The following GABRA5 variants were observed in gnomAD, a reference collection of about 807,000 sequenced individuals.
The protein encoded by GABRA5 is gamma-aminobutyric acid receptor subunit alpha-5.
Under a neutral mutation model 47.3 loss-of-function variants are expected in GABRA5, and 18 were observed. That is an observed-to-expected ratio of 0.38 (90% CI 0.26 to 0.56). The LOEUF is 0.56. GABRA5 is among the 20% of genes least tolerant of loss of function. The pLI is 0.71. For synonymous variants in GABRA5, 237 were observed against 229.3 expected, an observed-to-expected ratio of 1.03 and a Z score of -0.30; for missense variants, 365 against 599.3, an observed-to-expected ratio of 0.61 and a Z score of 4.08.
intron 3 of GABRA5, among the ~76,000 whole-genome samples, chr15:26,869,708 G>A (rs933076675): frequency 6.6e-6 from 1 of 152,226 alleles, no homozygotes; most frequent in Non-Finnish European, 1.5e-5. Context: ...CATTTCAGTT[G>A]CCCTCCACGG....
At chr15:26,935,636 A>G (rs1425628438) in intron 7 of GABRA5, among the ~76,000 whole-genome samples, 2 of 152,190 alleles carry the variant, frequency 1.3e-5, no homozygotes, top group Admixed American at 1.3e-4. Flanking sequence ...GAAAGTGATG[A>G]GTGGGCCACA....
intron 10 of GABRA5, among the ~76,000 whole-genome samples, chr15:26,947,429 C>A (rs11857083): frequency 0.035 from 5,390 of 152,184 alleles, 324 homozygotes; most frequent in African/African-American, 0.12. Context: ...TTCAGCTTCC[C>A]CTTGTAAGTA....
chr15:26,914,773 G>T, intron 6 of GABRA5, 30 bp from the exon 7 acceptor site: 1 of 1,575,622 alleles, frequency 6.3e-7, no homozygotes, highest in Non-Finnish European at 8.7e-7. Flanking sequence ...TGAGAGAGTC[G>T]TTCAAAGGTC....
intron 6 of GABRA5, among the ~76,000 whole-genome samples, chr15:26,903,364 G>A (rs1595412366): frequency 2.6e-5 from 4 of 152,174 alleles, no homozygotes; most frequent in Admixed American, 2.6e-4. Context: ...ACTTTGATGG[G>A]CATTTAGGTT....
intron 7 of GABRA5, among the ~76,000 whole-genome samples, chr15:26,936,545 AG>A (rs1249362981): frequency 1.3e-5 from 2 of 152,196 alleles, no homozygotes; most frequent in Admixed American, 6.5e-5. Flanking sequence ...TCTGATATTA[AG>A]GTCCAGAACC....
chr15:26,942,274 G>T (rs1338241496), intron 9 of GABRA5, among the ~76,000 whole-genome samples: 1 of 152,188 alleles, frequency 6.6e-6, no homozygotes, highest in Non-Finnish European at 1.5e-5. Context: ...TGCATAATCT[G>T]CCAGTCCAAA....
At chr15:26,930,880 T>G (rs189871369) in intron 7 of GABRA5, among the ~76,000 whole-genome samples, 1 of 149,170 alleles carries the variant, frequency 6.7e-6, no homozygotes, top group Non-Finnish European at 1.5e-5. Flanking sequence ...TCTTTTTTCT[T>G]TCTTTCTTTC....
chr15:26,927,965 G>A (rs1488360832), intron 7 of GABRA5, among the ~76,000 whole-genome samples: 2 of 151,982 alleles, frequency 1.3e-5, no homozygotes, highest in African/African-American at 2.4e-5. Flanking sequence ...GATGTTTCTC[G>A]GTCCATAAGG....
intron 3 of GABRA5, among the ~76,000 whole-genome samples, chr15:26,871,798 G>T (rs28606390): frequency 0.64 from 97,155 of 152,090 alleles, 31,073 homozygotes; most frequent in Middle Eastern, 0.68. Flanking sequence ...CCTTGTGTTA[G>T]CTTCTTCCCT....
intron 7 of GABRA5, among the ~76,000 whole-genome samples, chr15:26,932,601 A>G (rs531373734): frequency 6.6e-6 from 1 of 152,316 alleles, no homozygotes; most frequent in South Asian, 2.1e-4. Flanking sequence ...TTGACCTGGC[A>G]ATCCCATAAC....
intron 3 of GABRA5, among the ~76,000 whole-genome samples, chr15:26,875,216 ACT>A (rs1892564787): frequency 6.6e-6 from 1 of 152,190 alleles, no homozygotes; most frequent in Non-Finnish European, 1.5e-5. Context: ...CCTGGGGTTT[ACT>A]GGACCCAGAG....
intron 6 of GABRA5, among the ~76,000 whole-genome samples, chr15:26,885,384 T>A (rs1892854667): frequency 6.6e-6 from 1 of 152,114 alleles, no homozygotes; most frequent in African/African-American, 2.4e-5. Context: ...CAAAGCATCT[T>A]TCTGGAGACA....
At chr15:26,939,830 G>A (rs1242438232) in intron 8 of GABRA5, 95 bp from the exon 9 acceptor site, 9 of 1,265,890 alleles carry the variant, frequency 7.1e-6, no homozygotes, top group South Asian at 3.9e-5. Context: ...TGTCCAAACC[G>A]ACAGGGGAGT....
chr15:26,883,580 C>CGCGGGGGGGGGGGGGGG lies in GABRA5; in HGVS notation c.497+24_497+25insCGGGGGGGGGGGGGGGG. 1.9e-6 allele frequency: 1 copy of CGCGGGGGGGGGGGGGGG among 529,070 alleles called. No homozygotes were observed. Among genetic ancestry groups the CGCGGGGGGGGGGGGGGG allele is most frequent in the Non-Finnish European group, 3.4e-6 (1 of 297,422 alleles). The allele number at this position is 529,070 out of a possible 1,614,324, so 32.8% of individuals were successfully genotyped here. A position where few individuals can be genotyped will look rare whatever the true frequency, so the allele number is the denominator to read the frequency against. ...GCGGTGAGCGCCGGGCGGGGGCGGG[C>CGCGGGGGGGGGGGGGGG]GGGGCCGGGGGACGGTGCGGGGCAG... On this transcript the variant is annotated intron_variant, in intron 6 of 10. Coordinates refer to ENST00000335625, the MANE Select transcript of GABRA5 (RefSeq NM_000810.4). This position sits in a 1 kb window ranked among gnomAD's most constrained non-coding sequence, Gnocchi z 4.8.
Position 26,883,450 on chromosome 15 carries a change from C to G in GABRA5, c.390C>G (p.Thr130=). The G allele has an allele frequency of 1.9e-6, 3 of 1,614,154 alleles. No homozygotes were observed. Among genetic ancestry groups the G allele is most frequent in the Non-Finnish European group, 2.5e-6 (3 of 1,180,008 alleles). Reference sequence around the variant, plus strand: ...ACCTCCTTGCCAGCAAGATCTGGACCCCAGACACGTTCTTCCACAACGGGA... The same window carrying G: ...ACCTCCTTGCCAGCAAGATCTGGACGCCAGACACGTTCTTCCACAACGGGA... ...LNNLLASKIW[T]PDTFFHNGKK... is the part of the protein sequence containing the mutation. Residue 130 remains threonine, a synonymous_variant, in exon 6 of 11, where the codon ACC becomes ACG. Coordinates refer to ENST00000335625, the MANE Select transcript of GABRA5 (RefSeq NM_000810.4). This position sits in a 1 kb window ranked among gnomAD's most constrained non-coding sequence, Gnocchi z 4.8.
Position 26,943,338 on chromosome 15 carries a change from C to T in GABRA5, c.1001C>T (p.Ala334Val). The change falls in exon 10 of 11, where the codon GCG becomes GTG. Residue 334 changes from alanine to valine, a missense_variant. By Grantham distance (64) the Ala-to-Val change is moderately conservative. Coordinates refer to ENST00000335625, the MANE Select transcript of GABRA5 (RefSeq NM_000810.4). ...GTGTGCTATGCCTTCGTCTTCTCGG[C>T]GCTGATAGAGTTTGCCACGGTCAAT... ...IAVCYAFVFS[A>V]LIEFATVNYF... 4.4e-6 allele frequency: 7 copies of T among 1,595,710 alleles called. No individual in the cohort carries two copies. Among genetic ancestry groups the T allele is most frequent in the Non-Finnish European group, 6.0e-6 (7 of 1,171,272 alleles).
intron 7 of GABRA5, among the ~76,000 whole-genome samples, chr15:26,930,007 T>TTCTTCTTCTTC (rs1491115860): frequency 7.4e-4 from 12 of 16,158 alleles, no homozygotes; most frequent in Non-Finnish European, 1.6e-3. Flanking sequence ...CTTCTTCTTC[T>TTCTTCTTCTTC]TTTTTTTTTT....
intron 6 of GABRA5, among the ~76,000 whole-genome samples, chr15:26,902,559 C>T (rs770162894): frequency 2.6e-4 from 39 of 152,088 alleles, no homozygotes; most frequent in Non-Finnish European, 5.3e-4. Context: ...TATACATAGA[C>T]GAGCATGCTC....
rs538390493 is a variant in GABRA5 at position 26,891,178 on chromosome 15, A to G, written c.497+7621A>G. ...GGACTCTCGGGCACACATCTCACAC[A>G]GGACCACATCACCCTTTGCAAATGG... On this transcript the variant is annotated intron_variant, in intron 6 of 10. Transcript: ENST00000335625. 2.6e-5 allele frequency among the ~76,000 whole-genome samples: 4 copies of G among 152,328 alleles called. No homozygotes were observed. In the East Asian group the frequency reaches 7.7e-4, roughly 29 times the overall value.
Sources: gnomAD v4.1 joint callset for allele counts (sites outside exome capture counted in the v4.1 genomes callset) on GRCh38, gnomAD v4.1.1 for gene constraint, Gnocchi (gnomAD v3.1) non-coding constraint, MANE v1.5 for transcripts, NCBI Gene and HGNC (gene_info 2026-07-23, HGNC 2026-07-21) for gene names.